Variants in ZNF679 observed in about 807,000 individuals in gnomAD.
ZNF679 encodes the protein hypothetical protein MGC42415.
A neutral mutation model predicts 13.4 loss-of-function variants in ZNF679; 10 were observed. The ratio of observed to expected loss-of-function variants is 0.75; its 90% confidence interval spans 0.46 to 1.27. The LOEUF (loss-of-function observed/expected upper bound fraction) is 1.27. Ranked by LOEUF, ZNF679 falls within the 50% of genes most tolerant of loss-of-function variation. The pLI is 0.00. For missense variants in ZNF679, 525 were observed against 477.8 expected, an observed-to-expected ratio of 1.10 and a Z score of -0.92; for synonymous variants, 179 against 162.5, an observed-to-expected ratio of 1.10 and a Z score of -0.77.
intron 2 of ZNF679, among the ~76,000 whole-genome samples, chr7:64,257,422 T>C (rs1190921243): frequency 6.6e-6 from 1 of 152,222 alleles, no homozygotes; most frequent in African/African-American, 2.4e-5. Flanking sequence ...TTTATTGTTC[T>C]ATATATTTTC....
chr7:64,243,371 A>G (rs551705125), intron 1 of ZNF679, among the ~76,000 whole-genome samples: 1 of 152,274 alleles, frequency 6.6e-6, no homozygotes, highest in East Asian at 1.9e-4. Context: ...TACTATAGGT[A>G]GGGTCCTGAC....
chr7:64,235,922 G>A (rs112176669), intron 1 of ZNF679, among the ~76,000 whole-genome samples: 3,940 of 151,776 alleles, frequency 0.026, 171 homozygotes, highest in African/African-American at 0.09. Flanking sequence ...ATAAGAAGCA[G>A]AGAAAGAATT....
intron 1 of ZNF679, among the ~76,000 whole-genome samples, chr7:64,236,953 GAAAGAAAGAAAGAAAGAAAGAAA>G (rs1562840305): frequency 4.6e-4 from 28 of 60,338 alleles, no homozygotes; most frequent in African/African-American, 1.3e-3. Flanking sequence ...AAGAAAGAAA[GAAAGAAAGAAAGAAAGAAAGAAA>G]AAGAAAGAAA....
In ZNF679 at chr7:64,260,895, T is replaced by G; in HGVS notation, c.228T>G (p.Asn76Lys). ...TCLEQNKEPW[N>K]IKRNEMVTKH... ...TGGAGCAAAATAAAGAGCCTTGGAA[T>G]ATAAAGAGAAATGAGATGGTAACCA... Residue 76 changes from asparagine (N) to lysine (K), a missense_variant, in exon 4 of 5, where the codon AAT becomes AAG. By Grantham distance (94) the Asn-to-Lys change is moderately conservative. Transcript: ENST00000421025. The G allele has an allele frequency of 6.2e-7, 1 of 1,612,574 alleles. No homozygotes were observed.
intron 2 of ZNF679, among the ~76,000 whole-genome samples, chr7:64,256,442 T>C (rs1788005443): frequency 6.6e-6 from 1 of 152,192 alleles, no homozygotes; most frequent in Non-Finnish European, 1.5e-5. Flanking sequence ...AATTGTGGGA[T>C]TGCTGGGTCA....
intron 1 of ZNF679, among the ~76,000 whole-genome samples, chr7:64,246,537 A>G (rs1787872613): frequency 6.6e-6 from 1 of 152,156 alleles, no homozygotes; most frequent in African/African-American, 2.4e-5. Context: ...AATCTGGCCA[A>G]CATGGTGAAA....
At chr7:64,243,104 C>T (rs1334141939) in intron 1 of ZNF679, among the ~76,000 whole-genome samples, 2 of 152,172 alleles carry the variant, frequency 1.3e-5, no homozygotes, top group Non-Finnish European at 2.9e-5. Flanking sequence ...CTCTTTATAT[C>T]ACCCAAAGAC....
intron 1 of ZNF679, among the ~76,000 whole-genome samples, chr7:64,243,628 G>A (rs1199344659): frequency 3.3e-5 from 5 of 152,160 alleles, no homozygotes; most frequent in Admixed American, 2.0e-4. Context: ...TAGGTGATTG[G>A]CTCAGAAATA....
intron 1 of ZNF679, among the ~76,000 whole-genome samples, chr7:64,247,043 C>T (rs1787878990): frequency 6.6e-6 from 1 of 152,158 alleles, no homozygotes; most frequent in Non-Finnish European, 1.5e-5. Context: ...TCTGATGTTG[C>T]CATGGCATTC....
At chr7:64,252,590 A>C (rs1038999970) in intron 2 of ZNF679, among the ~76,000 whole-genome samples, 1 of 152,268 alleles carries the variant, frequency 6.6e-6, no homozygotes, top group Non-Finnish European at 1.5e-5. Context: ...GCTGTCGGAA[A>C]TGAATACATT....
At chr7:64,245,419 GAA>G (rs1554370504) in intron 1 of ZNF679, among the ~76,000 whole-genome samples, 59,846 of 139,756 alleles carry the variant, frequency 0.43, 12,960 homozygotes, top group African/African-American at 0.56. Context: ...GGGAGAGAGA[GAA>G]AGAGAGAGAG....
In ZNF679 at chr7:64,249,054, T is replaced by G; in HGVS notation, c.-64T>G. 5 of 1,610,172 alleles carry G rather than the reference T, an allele frequency of 3.1e-6. No individual in the cohort carries two copies. Among genetic ancestry groups the G allele is most frequent in the Non-Finnish European group, 4.2e-6 (5 of 1,177,590 alleles). On this transcript the variant is annotated 5_prime_UTR_variant, in exon 2 of 5. Transcript: ENST00000421025. ...GCTCCAGTTCTTCTCTTCACTGCTC[T>G]GCGTCCTCTGTTCCTAGAGGCCAAG...
intron 4 of ZNF679, among the ~76,000 whole-genome samples, chr7:64,264,500 T>C (rs1165389360): frequency 1.3e-5 from 2 of 152,160 alleles, no homozygotes; most frequent in Non-Finnish European, 2.9e-5. Context: ...TGTATTTTTT[T>C]CATCATGTTA....
Position 64,228,637 on chromosome 7 carries a change from A to C in ZNF679, c.-106A>C, listed in dbSNP as rs1474201158. On this transcript the variant is annotated 5_prime_UTR_variant, in exon 1 of 5. Coordinates refer to ENST00000421025, the MANE Select transcript of ZNF679 (RefSeq NM_153363.3). ...TACGTATTTCCCAGCTTTAGGTCTG[A>C]GAGTCTACACTTCTGGTGAGTTGCA... The C allele has an allele frequency of 6.6e-6, 1 of 152,190 alleles. No homozygotes were observed. Among genetic ancestry groups the C allele is most frequent in the East Asian group, 1.9e-4 (1 of 5,188 alleles). 9.4% of individuals were successfully genotyped at this position (152,190 alleles called of 1,614,324 possible).
rs142956926 is a variant in ZNF679, at chr7:64,243,514, G to T, written c.-90-5514G>T. On this transcript the variant is annotated intron_variant, in intron 1 of 4. Coordinates refer to ENST00000421025, the MANE Select transcript of ZNF679 (RefSeq NM_153363.3). ...TATGTAACCATTTCTCCTGTAAATAGATTCAAGGCAAAAAAGAATCACATA... is the reference window on the plus strand; with the variant it reads ...TATGTAACCATTTCTCCTGTAAATATATTCAAGGCAAAAAAGAATCACATA... Among the ~76,000 whole-genome samples the T allele has an allele frequency of 2.1e-3, 325 of 152,284 alleles. 3 individuals carry two copies. Among genetic ancestry groups the T allele is most frequent in the African/African-American group, 7.6e-3 (316 of 41,568 alleles).
At chr7:64,246,388 C>A (rs867304483) in intron 1 of ZNF679, among the ~76,000 whole-genome samples, 6 of 152,118 alleles carry the variant, frequency 3.9e-5, no homozygotes, top group Admixed American at 6.6e-5. Context: ...CAGAAATGGT[C>A]CCAATCCAGA....
At chr7:64,240,184 C>T (rs941468040) in intron 1 of ZNF679, among the ~76,000 whole-genome samples, 7 of 152,056 alleles carry the variant, frequency 4.6e-5, no homozygotes, top group African/African-American at 1.7e-4. Flanking sequence ...GGATTTTCAC[C>T]CATCACTTGG....
intron 2 of ZNF679, among the ~76,000 whole-genome samples, chr7:64,249,593 A>G (rs62461244): frequency 0.038 from 5,776 of 152,264 alleles, 171 homozygotes; most frequent in Admixed American, 0.087. Flanking sequence ...TTTGATCAAA[A>G]TGTGATTCAA....
intron 1 of ZNF679, among the ~76,000 whole-genome samples, chr7:64,235,936 A>T (rs1787704851): frequency 6.6e-6 from 1 of 152,172 alleles, no homozygotes; most frequent in Admixed American, 6.5e-5. Flanking sequence ...AAGAATTTAC[A>T]TATAAAATGT....
Sources: gnomAD v4.1 joint callset for allele counts (sites outside exome capture counted in the v4.1 genomes callset) on GRCh38, gnomAD v4.1.1 for gene constraint, MANE v1.5 for transcripts, NCBI Gene and HGNC (gene_info 2026-07-23, HGNC 2026-07-21) for gene names.